VWC2: variants seen among roughly 807,000 people sequenced by gnomAD.
VWC2 encodes the protein von Willebrand factor C domain containing 2, also known as brorin.
Under a neutral mutation model 29.8 loss-of-function variants are expected in VWC2, and 14 were observed. The ratio of observed to expected loss-of-function variants is 0.47; its 90% CI spans 0.31 to 0.74. The LOEUF (loss-of-function observed/expected upper bound fraction) is 0.74, where lower values mean the gene tolerates loss of function less well. Among genes scored for constraint, VWC2 ranks in the 30% least tolerant of loss-of-function variants. The pLI is 0.05. For missense variants in VWC2, 457 were observed against 459.8 expected, an observed-to-expected ratio of 0.99 and a Z score of 0.05; for synonymous variants, 213 against 199.0, an observed-to-expected ratio of 1.07 and a Z score of -0.59.
intron 3 of VWC2, among the ~76,000 whole-genome samples, chr7:49,854,693 G>C (rs929211953): frequency 2.6e-5 from 4 of 152,148 alleles, no homozygotes; most frequent in Admixed American, 2.0e-4. Flanking sequence ...AGTTTCTTTT[G>C]CTGTGCAGAA....
chr7:49,887,509 G>A (rs1392158612), intron 3 of VWC2, among the ~76,000 whole-genome samples: 4 of 125,642 alleles, frequency 3.2e-5, no homozygotes, highest in Middle Eastern at 3.9e-3. Context: ...TTGTAATTGT[G>A]GGGTATTAGA....
intron 3 of VWC2, among the ~76,000 whole-genome samples, chr7:49,899,343 T>C (rs754006302): frequency 1.3e-5 from 2 of 151,984 alleles, no homozygotes; most frequent in Non-Finnish European, 2.9e-5. Context: ...AAAATTAAAG[T>C]TTAGGAGTTT....
chr7:49,801,192 C>T (rs1350682054), intron 2 of VWC2, among the ~76,000 whole-genome samples: 1 of 152,156 alleles, frequency 6.6e-6, no homozygotes, highest in African/African-American at 2.4e-5. Flanking sequence ...TTAGTGTTTG[C>T]ATTGTATAGA....
rs567715753 is a variant in VWC2, at chr7:49,888,141, G to A, written c.827-23893G>A. ...TTAGTAGCTCAAAATTGGCCTTGGT[G>A]GAAGTAGTCAATGGCAATTATTTTT... On this transcript the variant is annotated intron_variant, in intron 3 of 3. Transcript: ENST00000340652. 4.6e-5 allele frequency among the ~76,000 whole-genome samples: 7 copies of A among 152,282 alleles called. No homozygotes were observed. In the South Asian group the frequency reaches 1.4e-3, roughly 32 times the overall value.
chr7:49,794,523 G>T (rs1788540947), intron 2 of VWC2, among the ~76,000 whole-genome samples: 1 of 152,166 alleles, frequency 6.6e-6, no homozygotes, highest in Non-Finnish European at 1.5e-5. Context: ...CAGCAGGCAG[G>T]TATGTATGGG....
intron 3 of VWC2, among the ~76,000 whole-genome samples, chr7:49,839,129 G>GGACAAGAGCCCGCACCA (rs1789735648): frequency 6.6e-6 from 1 of 152,148 alleles, no homozygotes. Flanking sequence ...CTGTAAGCCA[G>GGACAAGAGCCCGCACCA]GACAAGAGCC....
At chr7:49,776,242 G>A in intron 2 of VWC2, 111 bp downstream of exon 2, 2 of 971,778 alleles carry the variant, frequency 2.1e-6, no homozygotes, top group Non-Finnish European at 3.0e-6. Flanking sequence ...GTTCTGAGAG[G>A]TGGAGAGCAC....
Position 49,847,842 on chromosome 7 carries a change from AGAG to A in VWC2, c.826+45007_826+45009del, listed in dbSNP as rs1350483827. On this transcript the variant is annotated intron_variant, in intron 3 of 3. Coordinates refer to ENST00000340652, the MANE Select transcript of VWC2 (RefSeq NM_198570.5). ...AGTGGCTCTCAGTGTGAAAGCCCGCAGAGGAGGTCATGGGGATGTGAGCTCTGA... is the reference window on the plus strand; with the variant it reads ...AGTGGCTCTCAGTGTGAAAGCCCGCAGAGGTCATGGGGATGTGAGCTCTGA... Among the ~76,000 whole-genome samples, 12 of 152,278 alleles carry A rather than the reference AGAG, an allele frequency of 7.9e-5. No homozygotes were observed. The East Asian group carries it at 1.7e-3, about 22-fold the overall frequency.
At chr7:49,897,350 A>G (rs1792441175) in intron 3 of VWC2, among the ~76,000 whole-genome samples, 2 of 152,238 alleles carry the variant, frequency 1.3e-5, no homozygotes, top group Non-Finnish European at 2.9e-5. Flanking sequence ...TGAAAAAAAT[A>G]CAGGTCAATA....
chr7:49,829,940 T>TATC (rs1789487541), intron 3 of VWC2, among the ~76,000 whole-genome samples: 1 of 152,256 alleles, frequency 6.6e-6, no homozygotes, highest in African/African-American at 2.4e-5. Flanking sequence ...TGTCATTAAC[T>TATC]ATCTTTTGGG....
rs1793790908 is a variant in VWC2, at chr7:49,917,554, GCAAT to G, written c.*5373_*5376del. ...TTATATAGGCACAGAATTATCAAAA[GCAAT>G]CAAAGTATGTACCTAAAGTCAATTT... On this transcript the variant is annotated 3_prime_UTR_variant, in exon 4 of 4. Coordinates refer to ENST00000340652, the MANE Select transcript of VWC2 (RefSeq NM_198570.5). 6.6e-6 allele frequency: 1 copy of G among 152,134 alleles called. No individual in the cohort carries two copies. Among genetic ancestry groups the G allele is most frequent in the African/African-American group, 2.4e-5 (1 of 41,424 alleles). 9.4% of individuals were successfully genotyped at this position (152,134 alleles called of 1,614,324 possible).
At chr7:49,837,540 G>C (rs1012669779) in intron 3 of VWC2, among the ~76,000 whole-genome samples, 25 of 152,326 alleles carry the variant, frequency 1.6e-4, no homozygotes, top group Middle Eastern at 3.4e-3. Context: ...GTCATGGGGA[G>C]AGTTCTGGAC....
chr7:49,851,718 C>G (rs927200027), intron 3 of VWC2, among the ~76,000 whole-genome samples: 14 of 152,240 alleles, frequency 9.2e-5, no homozygotes, highest in Admixed American at 4.6e-4. Context: ...CTTAGCTGGG[C>G]GTGCTGGCAC....
At chr7:49,793,562 C>T (rs899862163) in intron 2 of VWC2, among the ~76,000 whole-genome samples, 3 of 151,100 alleles carry the variant, frequency 2.0e-5, no homozygotes, top group Admixed American at 6.6e-5. Flanking sequence ...AACATAATAC[C>T]ATATATATTC....
intron 3 of VWC2, 47 bp from the exon 4 acceptor site, chr7:49,911,987 A>T: frequency 6.8e-7 from 1 of 1,474,122 alleles, no homozygotes; most frequent in Non-Finnish European, 9.1e-7. Flanking sequence ...TATATATATT[A>T]TATATTTATG....
chr7:49,868,617 G>A (rs1303344989), intron 3 of VWC2, among the ~76,000 whole-genome samples: 1 of 152,060 alleles, frequency 6.6e-6, no homozygotes. Context: ...CTCATGTAGG[G>A]AGTTTTTTGT....
intron 3 of VWC2, among the ~76,000 whole-genome samples, chr7:49,811,479 G>A (rs1377718455): frequency 2.6e-5 from 4 of 152,184 alleles, no homozygotes; most frequent in African/African-American, 9.7e-5. Flanking sequence ...AGAAGGACAT[G>A]TTTGTTTCCT....
chr7:49,906,339 TTC>T (rs560414179), intron 3 of VWC2, among the ~76,000 whole-genome samples: 100 of 152,174 alleles, frequency 6.6e-4, no homozygotes, highest in African/African-American at 2.3e-3. Flanking sequence ...GTCAAAAATT[TTC>T]TCTTTTTTTT....
chr7:49,832,184 T>C (rs1262703529), intron 3 of VWC2, among the ~76,000 whole-genome samples: 1 of 152,142 alleles, frequency 6.6e-6, no homozygotes, highest in East Asian at 1.9e-4. Flanking sequence ...ATCTAAGTCA[T>C]ATGAGAGGGG....
Sources: gnomAD v4.1 joint callset for allele counts (sites outside exome capture counted in the v4.1 genomes callset) on GRCh38, gnomAD v4.1.1 for gene constraint, MANE v1.5 for transcripts, NCBI Gene and HGNC (gene_info 2026-07-23, HGNC 2026-07-21) for gene names.